Variants in CPLX2 observed in about 807,000 individuals in gnomAD.
CPLX2 encodes complexin 2.
A neutral mutation model predicts 16.3 loss-of-function variants in CPLX2; 5 were observed. The ratio of observed to expected loss-of-function variants is 0.31; its 90% CI spans 0.16 to 0.64. The LOEUF is 0.64. Among genes scored for constraint, CPLX2 ranks in the 30% least tolerant of loss-of-function variants. The pLI, the probability that CPLX2 is intolerant of heterozygous loss-of-function variation, is 0.79. For synonymous variants in CPLX2, 89 were observed against 73.2 expected, an observed-to-expected ratio of 1.22 and a Z score of -1.10; for missense variants, 144 against 181.4, an observed-to-expected ratio of 0.79 and a Z score of 1.18.
intron 2 of CPLX2, among the ~76,000 whole-genome samples, chr5:175,846,408 CCT>C (rs1759045302): frequency 6.6e-6 from 1 of 152,154 alleles, no homozygotes; most frequent in East Asian, 1.9e-4. Flanking sequence ...ACTTCCATCC[CCT>C]GAGGCTCAAT....
In CPLX2 at chr5:175,872,943, T is replaced by A. The variant is rs1220111883; in HGVS notation, c.-89+1238T>A. 6.6e-6 allele frequency: 1 copy of A among 152,166 alleles called. No homozygotes were observed. Among genetic ancestry groups the A allele is most frequent in the Non-Finnish European group, 1.5e-5 (1 of 68,060 alleles). 9.4% of individuals were successfully genotyped at this position (152,166 alleles called of 1,614,324 possible). On this transcript the variant is annotated intron_variant, in intron 1 of 3. Coordinates refer to ENST00000393745, the MANE Select transcript of CPLX2 (RefSeq NM_001008220.2). This position sits in a 1 kb window ranked among gnomAD's most constrained non-coding sequence, Gnocchi z 5.0. ...AGATGGTCGAGCCTGAGTCGGTGCT[T>A]GGGCTGGGACGGGCTCGGAGGGAGT...
At chr5:175,850,281 G>A (rs1759126655) in intron 2 of CPLX2, among the ~76,000 whole-genome samples, 1 of 152,222 alleles carries the variant, frequency 6.6e-6, no homozygotes. Context: ...GGCCCAGCAA[G>A]GGGGTGGTAT....
chr5:175,879,627 G>A (rs1322441008), intron 3 of CPLX2: 2 of 678,868 alleles, frequency 2.9e-6, no homozygotes, highest in Admixed American at 2.1e-5. Flanking sequence ...AGTTCTGATG[G>A]GCAGGTGTTA....
At chr5:175,805,064 C>T (rs1474113839) in intron 1 of CPLX2, among the ~76,000 whole-genome samples, 1 of 152,228 alleles carries the variant, frequency 6.6e-6, no homozygotes, top group Non-Finnish European at 1.5e-5. Flanking sequence ...ATGCTTGGCA[C>T]ATAGTAAGCA....
chr5:175,815,699 T>C (rs533069447), intron 2 of CPLX2, among the ~76,000 whole-genome samples: 1 of 152,350 alleles, frequency 6.6e-6, no homozygotes, highest in East Asian at 1.9e-4. Flanking sequence ...GAGACATCAC[T>C]TCCTCCAGGA....
chr5:175,823,964 T>C (rs1006415527), intron 2 of CPLX2, among the ~76,000 whole-genome samples: 2 of 152,304 alleles, frequency 1.3e-5, no homozygotes, highest in South Asian at 2.1e-4. Flanking sequence ...CAATAATGCA[T>C]GTCCTCCTCC....
chr5:175,800,460 G>T (rs1235613731), intron 1 of CPLX2, among the ~76,000 whole-genome samples: 2 of 149,132 alleles, frequency 1.3e-5, no homozygotes, highest in Non-Finnish European at 3.0e-5. Flanking sequence ...ACTCCAGCCT[G>T]GGCAACAAGG....
In CPLX2 at chr5:175,872,883, T is replaced by C. The variant is rs62387138; in HGVS notation, c.-89+1178T>C. 0.14 allele frequency: 21,779 copies of C among 152,370 alleles called. 1,987 individuals are homozygous for C. The highest frequency in any genetic ancestry group is 0.43 in the East Asian group (2,219 of 5,162). 9.4% of individuals were successfully genotyped at this position (152,370 alleles called of 1,614,324 possible). ...AGGTTACCCGAGTCAGCCTGTCAGA[T>C]GGCGGGGCCCAGTCCCGAAAACCTC... On this transcript the variant is annotated intron_variant, in intron 1 of 3. Coordinates refer to ENST00000393745, the MANE Select transcript of CPLX2 (RefSeq NM_001008220.2). The surrounding 1 kb of genome is among the most constrained non-coding windows in gnomAD (Gnocchi z 5.0).
At chr5:175,824,865 CTT>C (rs935992980) in intron 2 of CPLX2, among the ~76,000 whole-genome samples, 1 of 152,164 alleles carries the variant, frequency 6.6e-6, no homozygotes, top group Non-Finnish European at 1.5e-5. Flanking sequence ...GACCGTGAAA[CTT>C]TTTCCACCTC....
chr5:175,803,471 T>C (rs1192376121), intron 1 of CPLX2, among the ~76,000 whole-genome samples: 1 of 152,092 alleles, frequency 6.6e-6, no homozygotes, highest in Non-Finnish European at 1.5e-5. Flanking sequence ...GGAAGAGGCA[T>C]TGGGACTGGC....
At position 175,797,071 on chromosome 5, in the gene CPLX2, T is replaced by G. The variant is rs1757995905; in HGVS notation, c.-169+287T>G. Reference sequence around the variant, plus strand: ...GGCGGACAGCGGCGGCCGGGCGGGCTCCTCCGCACCCTCCGCCCTGGTTCC... The same window carrying G: ...GGCGGACAGCGGCGGCCGGGCGGGCGCCTCCGCACCCTCCGCCCTGGTTCC... On this transcript the variant is annotated intron_variant, in intron 1 of 4. Transcript: ENST00000359546. Among the ~76,000 whole-genome samples the G allele has an allele frequency of 2.0e-5, 3 of 151,938 alleles. No homozygotes were observed. The South Asian group carries it at 6.2e-4, about 32-fold the overall frequency.
Position 175,879,824 on chromosome 5 carries a change from C to A in CPLX2, c.208-24C>A. ...CTCCTTGCCCACCCCGCTTCATGCG[C>A]GTCTCTGCCCTCCCCCTCCCCAGTA... On this transcript the variant is annotated intron_variant, in intron 3 of 3. Coordinates refer to ENST00000393745, the MANE Select transcript of CPLX2 (RefSeq NM_001008220.2). The A allele has an allele frequency of 1.9e-6, 3 of 1,597,544 alleles. 1 individual carries two copies. In the South Asian group the frequency reaches 3.4e-5, roughly 18 times the overall value.
At chr5:175,813,863 G>A (rs1758357578) in intron 2 of CPLX2, among the ~76,000 whole-genome samples, 1 of 152,192 alleles carries the variant, frequency 6.6e-6, no homozygotes, top group African/African-American at 2.4e-5. Context: ...AAGAGGCTCA[G>A]ACTTCAGCCG....
rs770717449 is a variant in CPLX2, at chr5:175,881,092, GACT to G, written c.*1048_*1050del. 1.3e-5 allele frequency: 2 copies of G among 153,090 alleles called. No individual in the cohort carries two copies. The highest frequency in any genetic ancestry group is 2.9e-5 in the Non-Finnish European group (2 of 68,130). The allele number at this position is 153,090 out of a possible 1,614,324, so 9.5% of individuals were successfully genotyped here. On this transcript the variant is annotated 3_prime_UTR_variant, in exon 4 of 4. Coordinates refer to ENST00000393745, the MANE Select transcript of CPLX2 (RefSeq NM_001008220.2). ...ACAAACTCTCCTCTGGGACGTCTGG[GACT>G]GGCATTTGTCCCCCACTCAAATTAT...
chr5:175,867,030 G>A (rs1202018404), upstream of CPLX2, among the ~76,000 whole-genome samples: 1 of 152,108 alleles, frequency 6.6e-6, no homozygotes, highest in Non-Finnish European at 1.5e-5. Context: ...AGCTATGATT[G>A]TACCACTGCA....
chr5:175,879,149 C>G (rs1010806285), intron 3 of CPLX2, 66 bp downstream of exon 3: 1 of 1,477,416 alleles, frequency 6.8e-7, no homozygotes. Flanking sequence ...CCAGCTAAAG[C>G]CCCTGCTGGG....
intron 2 of CPLX2, among the ~76,000 whole-genome samples, chr5:175,825,937 C>CAA (rs35250246): frequency 0.12 from 5,288 of 44,270 alleles, 653 homozygotes; most frequent in East Asian, 0.34. Flanking sequence ...TGAATAAGTG[C>CAA]AAAAAAAAAA....
chr5:175,836,932 C>T (rs940933928), intron 2 of CPLX2, among the ~76,000 whole-genome samples: 3 of 152,160 alleles, frequency 2.0e-5, no homozygotes, highest in African/African-American at 7.2e-5. Flanking sequence ...GTGGTGCAGC[C>T]GAAGCTGTGT....
At chr5:175,862,256 C>T (rs1759386978) in intron 2 of CPLX2, among the ~76,000 whole-genome samples, 1 of 152,224 alleles carries the variant, frequency 6.6e-6, no homozygotes, top group South Asian at 2.1e-4. Flanking sequence ...CAAGAGCTCA[C>T]AATCTAGTAG....
Sources: gnomAD v4.1 joint callset for allele counts (sites outside exome capture counted in the v4.1 genomes callset) on GRCh38, gnomAD v4.1.1 for gene constraint, Gnocchi (gnomAD v3.1) non-coding constraint, MANE v1.5 for transcripts, NCBI Gene and HGNC (gene_info 2026-07-23, HGNC 2026-07-21) for gene names.